HBS1L: variants seen among roughly 807,000 people sequenced by gnomAD.
HBS1L encodes HBS1 like translational GTPase.
Under a neutral mutation model 88.9 loss-of-function variants are expected in HBS1L, and 55 were observed. The observed-to-expected ratio is 0.62, with a 90% CI of 0.50 to 0.77. The LOEUF is 0.77. Ranked by LOEUF, HBS1L falls within the 30% of genes least tolerant of loss-of-function variation. The pLI is 0.00. For synonymous variants in HBS1L, 267 were observed against 288.5 expected (o/e 0.93, Z 0.76); for missense variants, 741 against 829.3 (o/e 0.89, Z 1.31).
At chr6:134,986,892 CAA>C (rs1774993905) in intron 9 of HBS1L, 82 bp from the exon 10 acceptor site, 2 of 530,870 alleles carry the variant, frequency 3.8e-6, no homozygotes, top group East Asian at 3.6e-5. Context: ...GAAATATAAT[CAA>C]GACTATATAA....
chr6:134,977,863 AC>A (rs1774695485), intron 15 of HBS1L, among the ~76,000 whole-genome samples: 1 of 152,110 alleles, frequency 6.6e-6, no homozygotes, highest in African/African-American at 2.4e-5. Flanking sequence ...AAAGCAAAGT[AC>A]AAAAACTATA....
intron 5 of HBS1L, among the ~76,000 whole-genome samples, chr6:134,997,873 C>A (rs1775337324): frequency 6.6e-6 from 1 of 151,952 alleles, no homozygotes; most frequent in South Asian, 2.1e-4. Flanking sequence ...AAAAACTGTA[C>A]CAAAAATGAA....
chr6:135,008,536 C>T (rs1217808287), intron 4 of HBS1L, among the ~76,000 whole-genome samples: 1 of 152,162 alleles, frequency 6.6e-6, no homozygotes, highest in African/African-American at 2.4e-5. Context: ...CTGCTTTCCC[C>T]AGGGCTCTCC....
chr6:135,023,059 C>G (rs946698325), intron 4 of HBS1L, among the ~76,000 whole-genome samples: 8 of 151,392 alleles, frequency 5.3e-5, no homozygotes, highest in African/African-American at 1.9e-4. Context: ...AAAAAATGAT[C>G]TTAGGGAAAT....
In HBS1L at chr6:134,979,185, T is replaced by C; in HGVS notation, c.1681A>G (p.Lys561Glu). The C allele has an allele frequency of 6.2e-6, 10 of 1,609,462 alleles. No individual in the cohort carries two copies. The highest frequency in any genetic ancestry group is 6.8e-6 in the Non-Finnish European group (8 of 1,176,252). ...SLTLVGMDII[K>E]INVGCIFCGP... is the part of the protein sequence containing the mutation. ...ACTCATTTTCTCACTCACTTGATTT[T>C]GATGATATCCATCCCAACCAAAGTA... is the stretch of plus-strand genomic sequence containing the variant. The change falls in exon 14 of 18, where the codon AAA becomes GAA. Residue 561 changes from lysine (K) to glutamate (E), a missense_variant. Around this residue, in one of 3 missense-constraint regions of HBS1L, gnomAD observed 181 missense variants for 212.7 expected, o/e 0.85. Coordinates refer to ENST00000367837, the MANE Select transcript of HBS1L (RefSeq NM_006620.4).
At chr6:135,042,163 G>T in intron 2 of HBS1L, 37 bp from the exon 3 acceptor site, 1 of 1,541,194 alleles carries the variant, frequency 6.5e-7, no homozygotes, top group Non-Finnish European at 8.8e-7. Context: ...CTATGGTATA[G>T]CCATTTCCTA....
chr6:135,042,173 A>G (rs772175290), intron 2 of HBS1L, 47 bp from the exon 3 acceptor site: 2 of 1,509,384 alleles, frequency 1.3e-6, no homozygotes, highest in East Asian at 4.6e-5. Context: ...GCCATTTCCT[A>G]TTAACTTTTT....
intron 4 of HBS1L, among the ~76,000 whole-genome samples, chr6:135,039,156 T>C (rs1351002033): frequency 6.7e-6 from 1 of 149,906 alleles, no homozygotes; most frequent in Admixed American, 6.6e-5. Flanking sequence ...CTACTAAAAA[T>C]ACAAACAAAA....
At chr6:134,986,584 C>A in intron 10 of HBS1L, 152 bp downstream of exon 10, 2 of 461,814 alleles carry the variant, frequency 4.3e-6, no homozygotes, top group Non-Finnish European at 7.6e-6. Context: ...TGAAATAATC[C>A]AAAGAATATA....
At position 134,965,433 on chromosome 6, in the gene HBS1L, G is replaced by A. The variant is rs538016032; in HGVS notation, c.2044-143C>T. On this transcript the variant is annotated intron_variant, in intron 17 of 17. Coordinates refer to ENST00000367837, the MANE Select transcript of HBS1L (RefSeq NM_006620.4). ...GTCCTGCAACTTTCTTCCTTTCCTA[G>A]TCATGCCATTTCTGCAATTTACTAT... 85 of 621,592 alleles carry A rather than the reference G, an allele frequency of 1.4e-4. No individual in the cohort carries two copies. In the South Asian group the frequency reaches 1.7e-3, roughly 12 times the overall value. The allele number at this position is 621,592 out of a possible 1,614,324, so 38.5% of individuals were successfully genotyped here.
chr6:135,010,525 T>G (rs1003207615), intron 4 of HBS1L, among the ~76,000 whole-genome samples: 1 of 152,230 alleles, frequency 6.6e-6, no homozygotes, highest in African/African-American at 2.4e-5. Context: ...CTTTTAGTTT[T>G]AAAATGATTT....
intron 4 of HBS1L, chr6:135,035,798 C>CAGA: frequency 5.8e-6 from 1 of 173,632 alleles, no homozygotes; most frequent in Non-Finnish European, 9.6e-6. Flanking sequence ...AAAGCAGCAG[C>CAGA]AGCAGCAGAA....
chr6:134,988,244 T>A (rs957825229), intron 8 of HBS1L, among the ~76,000 whole-genome samples: 2 of 151,820 alleles, frequency 1.3e-5, no homozygotes, highest in African/African-American at 4.8e-5. Context: ...CACACCTGTA[T>A]CCCAGCTACT....
intron 2 of HBS1L, among the ~76,000 whole-genome samples, chr6:135,042,732 G>A (rs920770393): frequency 6.6e-6 from 1 of 150,734 alleles, no homozygotes; most frequent in African/African-American, 2.5e-5. Context: ...GGAACCGTTT[G>A]AACCCAGGAG....
Position 135,010,034 on chromosome 6 carries a change from T to C in HBS1L, c.431-7192A>G, listed in dbSNP as rs190166092. ...CATAGAAATTTATATGTGATGATGATTTCTCCATAAAATATGCTGCTGTGT... is the reference window on the plus strand; with the variant it reads ...CATAGAAATTTATATGTGATGATGACTTCTCCATAAAATATGCTGCTGTGT... On this transcript the variant is annotated intron_variant, in intron 4 of 17. Coordinates refer to ENST00000367837, the MANE Select transcript of HBS1L (RefSeq NM_006620.4). 1.9e-3 allele frequency among the ~76,000 whole-genome samples: 287 copies of C among 152,328 alleles called. 6 individuals carry two copies. Among genetic ancestry groups the C allele is most frequent in the South Asian group, 0.012 (56 of 4,830 alleles).
chr6:135,000,945 T>G (rs1270992542), intron 5 of HBS1L, among the ~76,000 whole-genome samples: 2 of 152,188 alleles, frequency 1.3e-5, no homozygotes, highest in African/African-American at 2.4e-5. Context: ...GCTATCCCTA[T>G]TATAAATCTC....
At chr6:134,967,336 T>C (rs770482405) in intron 16 of HBS1L, among the ~76,000 whole-genome samples, 2 of 152,132 alleles carry the variant, frequency 1.3e-5, no homozygotes, top group African/African-American at 4.8e-5. Context: ...TCTAAAAAAA[T>C]ACACCAAAAA....
chr6:135,021,780 C>G (rs1330959151), intron 4 of HBS1L, among the ~76,000 whole-genome samples: 3 of 152,118 alleles, frequency 2.0e-5, no homozygotes, highest in African/African-American at 4.8e-5. Flanking sequence ...TTCTTAACAC[C>G]TACGTAAAAT....
rs370248605 is a variant in HBS1L at position 134,982,424 on chromosome 6, G to C, written c.1597+34C>G. The stretch of plus-strand genomic sequence containing the variant: ...TAAAAATCTGCTGTCTCAACTTAAG[G>C]CTTGTTTAGCAAAAGCATCTTGCAG... On this transcript the variant is annotated intron_variant, in intron 13 of 17. Transcript: ENST00000367837. 2.2e-6 allele frequency: 3 copies of C among 1,333,958 alleles called. No homozygotes were observed. In the African/African-American group the frequency reaches 4.3e-5, roughly 19 times the overall value. The allele number at this position is 1,333,958 out of a possible 1,614,324, so 82.6% of individuals were successfully genotyped here.
Sources: gnomAD v4.1 joint callset for allele counts (sites outside exome capture counted in the v4.1 genomes callset) on GRCh38, gnomAD v4.1.1 for gene constraint, gnomAD v4.1.1 regional missense constraint, MANE v1.5 for transcripts, NCBI Gene and HGNC (gene_info 2026-07-23, HGNC 2026-07-21) for gene names.